The following ENPP6 variants were observed in gnomAD, a reference collection of about 807,000 sequenced individuals.
ENPP6 encodes ectonucleotide pyrophosphatase/phosphodiesterase 6.
Under a neutral mutation model 42.0 loss-of-function variants are expected in ENPP6, and 32 were observed. The ratio of observed to expected loss-of-function variants is 0.76; its 90% confidence interval spans 0.58 to 1.02. The LOEUF (loss-of-function observed/expected upper bound fraction) is 1.02. Ranked by LOEUF, ENPP6 falls within the 50% of genes least tolerant of loss-of-function variation. The pLI is 0.00. For synonymous variants in ENPP6, 213 were observed against 216.0 expected, an observed-to-expected ratio of 0.99 and a Z score of 0.12; for missense variants, 552 against 566.8, an observed-to-expected ratio of 0.97 and a Z score of 0.27.
chr4:184,119,656 A>T (rs895654953), intron 3 of ENPP6, among the ~76,000 whole-genome samples: 3 of 152,052 alleles, frequency 2.0e-5, no homozygotes, highest in Admixed American at 2.0e-4. Context: ...TCCCCACCCA[A>T]ATCTCATCTT....
intron 2 of ENPP6, among the ~76,000 whole-genome samples, chr4:184,143,718 C>A (rs568230865): frequency 6.6e-6 from 1 of 152,188 alleles, no homozygotes; most frequent in Admixed American, 6.5e-5. Context: ...GCGGGGTCTG[C>A]AGAGAGGGGG....
intron 2 of ENPP6, among the ~76,000 whole-genome samples, chr4:184,139,528 C>T (rs1275661799): frequency 5.9e-5 from 8 of 135,044 alleles, no homozygotes; most frequent in South Asian, 2.6e-4. Context: ...CACAATAGTC[C>T]GCAGAGTGTG....
chr4:184,129,035 C>T (rs1373968417), intron 2 of ENPP6, among the ~76,000 whole-genome samples: 1 of 152,114 alleles, frequency 6.6e-6, no homozygotes, highest in African/African-American at 2.4e-5. Context: ...TTATTAACAA[C>T]AGTGAAAACT....
chr4:184,093,078 A>T (rs974898890), intron 7 of ENPP6, among the ~76,000 whole-genome samples: 2 of 152,214 alleles, frequency 1.3e-5, no homozygotes, highest in African/African-American at 4.8e-5. Context: ...TGAATCCAAT[A>T]TAAAGAGGTG....
At chr4:184,186,687 G>A (rs1399306858) in intron 1 of ENPP6, among the ~76,000 whole-genome samples, 2 of 152,156 alleles carry the variant, frequency 1.3e-5, no homozygotes, top group Non-Finnish European at 2.9e-5. Context: ...GCCATTAGGA[G>A]GTTTTGAGTG....
intron 1 of ENPP6, among the ~76,000 whole-genome samples, chr4:184,167,938 G>C: frequency 6.6e-6 from 1 of 152,140 alleles, no homozygotes; most frequent in East Asian, 1.9e-4. Flanking sequence ...CTGCTTTAGG[G>C]ATCAAAGAGC....
intron 2 of ENPP6, among the ~76,000 whole-genome samples, chr4:184,127,192 G>C (rs537590570): frequency 7.9e-5 from 12 of 152,084 alleles, no homozygotes; most frequent in African/African-American, 2.9e-4. Flanking sequence ...TGGACAAATG[G>C]CATTATATAA....
At chr4:184,116,819 A>G (rs1238022465) in intron 5 of ENPP6, 37 bp downstream of exon 5, 5 of 1,608,024 alleles carry the variant, frequency 3.1e-6, no homozygotes, top group Non-Finnish European at 4.2e-6. Context: ...ACGAGGGCCC[A>G]CATGGCCCTC....
At chr4:184,113,404 G>C (rs537371150) in intron 5 of ENPP6, among the ~76,000 whole-genome samples, 4 of 152,022 alleles carry the variant, frequency 2.6e-5, no homozygotes, top group Non-Finnish European at 5.9e-5. Context: ...TTCCTCTGAG[G>C]GGGCAAAAAG....
rs746657605 is a variant in ENPP6 at position 184,091,304 on chromosome 4, G to T, written c.1196C>A (p.Thr399Asn). 6.2e-6 allele frequency: 10 copies of T among 1,614,014 alleles called. No homozygotes were observed. In the African/African-American group the frequency reaches 9.3e-5, roughly 15 times the overall value. Reference protein sequence around the residue: ...YNVMCNVVGITPLPNNGSWSR... With the variant: ...YNVMCNVVGINPLPNNGSWSR... ...CCAGGATCCGTTGTTGGGCAGCGGG[G>T]TGATGCCCACCACATTGCACATGAC... The change falls in exon 8 of 8, where the codon ACC (threonine) becomes AAC (asparagine). Residue 399 changes from threonine to asparagine, a missense_variant. By Grantham distance (65) the Thr-to-Asn change is moderately conservative. Around this residue, in one of 2 missense-constraint regions of ENPP6, gnomAD observed 545 missense variants for 546.3 expected, o/e 1.00. Transcript: ENST00000296741.
intron 5 of ENPP6, among the ~76,000 whole-genome samples, chr4:184,113,835 G>T (rs1186351710): frequency 6.6e-6 from 1 of 151,614 alleles, no homozygotes; most frequent in East Asian, 1.9e-4. Flanking sequence ...GCCACCGAGT[G>T]TGGCCCTGTA....
intron 5 of ENPP6, among the ~76,000 whole-genome samples, chr4:184,115,705 T>A (rs1245609833): frequency 6.6e-6 from 1 of 152,182 alleles, no homozygotes; most frequent in Non-Finnish European, 1.5e-5. Context: ...GGGGAGCTTG[T>A]CTGGCTTCCA....
chr4:184,161,325 C>A (rs1363581964), intron 1 of ENPP6, among the ~76,000 whole-genome samples: 1 of 152,160 alleles, frequency 6.6e-6, no homozygotes, highest in Non-Finnish European at 1.5e-5. Context: ...AAATGGAAAT[C>A]AAAACTACAA....
chr4:184,108,350 A>T (rs1217602876), intron 6 of ENPP6, among the ~76,000 whole-genome samples: 2 of 152,186 alleles, frequency 1.3e-5, no homozygotes, highest in Non-Finnish European at 2.9e-5. Flanking sequence ...TGCACTGTGG[A>T]TGGGTGTATA....
intron 7 of ENPP6, among the ~76,000 whole-genome samples, chr4:184,093,587 C>G (rs1735843936): frequency 1.3e-5 from 2 of 150,968 alleles, no homozygotes; most frequent in South Asian, 4.2e-4. Flanking sequence ...TGCAGGGAAC[C>G]AAGATCGTGC....
chr4:184,146,783 A>G (rs573020086), intron 2 of ENPP6, among the ~76,000 whole-genome samples: 25 of 152,292 alleles, frequency 1.6e-4, no homozygotes, highest in African/African-American at 4.8e-4. Flanking sequence ...AGAGAGTGAT[A>G]CTACCTCCCC....
At chr4:184,179,460 C>A (rs765341204) in intron 1 of ENPP6, among the ~76,000 whole-genome samples, 20 of 151,996 alleles carry the variant, frequency 1.3e-4, no homozygotes, top group Non-Finnish European at 2.4e-4. Flanking sequence ...AATATTGAGA[C>A]AGAAAATTAA....
intron 6 of ENPP6, among the ~76,000 whole-genome samples, chr4:184,103,797 A>C (rs898180299): frequency 6.6e-6 from 1 of 152,114 alleles, no homozygotes; most frequent in African/African-American, 2.4e-5. Flanking sequence ...TCCTCTAACC[A>C]TTTCCCTTTC....
In ENPP6 at chr4:184,138,693, T is replaced by C. The variant is rs550290357; in HGVS notation, c.422-14421A>G. The stretch of plus-strand genomic sequence containing the variant: ...AACTAATCTTGCTCTTGGAAATCCC[T>C]GGGAATTAAGTCTGAAGACTCCTGA... On this transcript the variant is annotated intron_variant, in intron 2 of 7. Transcript: ENST00000296741. 1.2e-3 allele frequency among the ~76,000 whole-genome samples: 187 copies of C among 152,320 alleles called. 1 individual carries two copies. The South Asian group carries it at 0.038, about 31-fold the overall frequency.
Sources: allele counts gnomAD v4.1 joint callset (sites outside exome capture counted in the v4.1 genomes callset), GRCh38; gene constraint gnomAD v4.1.1; regional missense constraint gnomAD v4.1.1; transcripts MANE v1.5; gene names NCBI Gene and HGNC (gene_info 2026-07-23, HGNC 2026-07-21).